The following DSCAM variants were observed in gnomAD, a reference collection of about 807,000 sequenced individuals.
The protein encoded by DSCAM is DS cell adhesion molecule.
A neutral mutation model predicts 217.7 loss-of-function variants in DSCAM; 47 were observed. That is an observed-to-expected ratio of 0.22 (90% CI 0.17 to 0.28). The LOEUF (loss-of-function observed/expected upper bound fraction) is 0.28, where lower values mean the gene tolerates loss of function less well. Among genes scored for constraint, DSCAM ranks in the 10% least tolerant of loss-of-function variants. DSCAM has a pLI of 1.00. For synonymous variants in DSCAM, 1,056 were observed against 1,015.3 expected (o/e 1.04, Z -0.76); for missense variants, 2,080 against 2,618.3 (o/e 0.79, Z 4.49).
intron 6 of DSCAM, 68 bp from the exon 7 acceptor site, chr21:40,339,483 C>G: frequency 1.4e-6 from 2 of 1,416,816 alleles, no homozygotes; most frequent in Non-Finnish European, 1.9e-6. Context: ...AAGTATATGT[C>G]TTTCATGTCT....
intron 3 of DSCAM, among the ~76,000 whole-genome samples, chr21:40,496,861 A>T (rs1055717976): frequency 6.6e-6 from 1 of 152,206 alleles, no homozygotes; most frequent in African/African-American, 2.4e-5. Context: ...AAAATAGGAC[A>T]TTCAAAAGGC....
chr21:40,015,559 A>G (rs919621665), intron 32 of DSCAM, among the ~76,000 whole-genome samples: 2 of 152,102 alleles, frequency 1.3e-5, no homozygotes, highest in Non-Finnish European at 2.9e-5. Flanking sequence ...CCTCCAGAGT[A>G]GCTAGGGCTA....
intron 3 of DSCAM, among the ~76,000 whole-genome samples, chr21:40,599,485 T>TA (rs1351439190): frequency 2.0e-5 from 3 of 152,118 alleles, no homozygotes; most frequent in African/African-American, 7.2e-5. Context: ...TTTATAGCAC[T>TA]AAATGCCCAC....
At chr21:40,459,717 C>A (rs951151966) in intron 3 of DSCAM, among the ~76,000 whole-genome samples, 1 of 152,072 alleles carries the variant, frequency 6.6e-6, no homozygotes, top group Non-Finnish European at 1.5e-5. Context: ...TCAAACAACT[C>A]TAGCAAAATA....
chr21:40,599,421 G>A (rs1380388514), intron 3 of DSCAM, among the ~76,000 whole-genome samples: 1 of 152,094 alleles, frequency 6.6e-6, no homozygotes, highest in Non-Finnish European at 1.5e-5. Context: ...TCCTCCCTGT[G>A]TCCATGTGTT....
rs575016518 is a variant in DSCAM at position 40,183,175 on chromosome 21, G to C, written c.2779+3956C>G. 2.6e-5 allele frequency among the ~76,000 whole-genome samples: 4 copies of C among 152,098 alleles called. No individual in the cohort carries two copies. In the South Asian group the frequency reaches 8.3e-4, roughly 32 times the overall value. On this transcript the variant is annotated intron_variant, in intron 14 of 32. Transcript: ENST00000400454. ...ACAGGAGATGGCCCCCACAGGAACA[G>C]ACTCTGAAGGGCAGGCTGCCTTCCA...
chr21:40,832,823 A>C (rs2092022358), intron 1 of DSCAM, among the ~76,000 whole-genome samples: 1 of 152,180 alleles, frequency 6.6e-6, no homozygotes, highest in African/African-American at 2.4e-5. Flanking sequence ...GAAGCCCATC[A>C]ATGACAACAC....
intron 3 of DSCAM, among the ~76,000 whole-genome samples, chr21:40,521,515 G>T (rs2146088970): frequency 6.6e-6 from 1 of 152,266 alleles, no homozygotes; most frequent in Admixed American, 6.5e-5. Context: ...GATTAGTGAT[G>T]CTGAGAATGT....
At chr21:40,738,227 C>G (rs965753487) in intron 1 of DSCAM, among the ~76,000 whole-genome samples, 6 of 152,086 alleles carry the variant, frequency 3.9e-5, no homozygotes, top group Non-Finnish European at 4.4e-5. Context: ...AAAATTTTAC[C>G]AAGAAACTAA....
At chr21:40,028,987 A>G (rs2088461334) in intron 32 of DSCAM, among the ~76,000 whole-genome samples, 1 of 151,744 alleles carries the variant, frequency 6.6e-6, no homozygotes. Flanking sequence ...TGAATTTTGA[A>G]TTTGCCTGTA....
chr21:40,415,288 T>C (rs1004662034), intron 3 of DSCAM, among the ~76,000 whole-genome samples: 1 of 152,170 alleles, frequency 6.6e-6, no homozygotes, highest in Admixed American at 6.5e-5. Context: ...TAGGACAAAA[T>C]AGCAGTGCAA....
intron 6 of DSCAM, among the ~76,000 whole-genome samples, chr21:40,344,644 T>A (rs930813530): frequency 2.0e-5 from 3 of 152,232 alleles, no homozygotes; most frequent in African/African-American, 2.4e-5. Flanking sequence ...CTACCATTTG[T>A]TATTGATGTC....
In DSCAM at chr21:40,246,713, G is replaced by A. The variant is rs575992835; in HGVS notation, c.2356+29384C>T. 7.4e-4 allele frequency among the ~76,000 whole-genome samples: 112 copies of A among 152,262 alleles called. 1 individual carries two copies. Among genetic ancestry groups the A allele is most frequent in the Non-Finnish European group, 1.3e-3 (88 of 68,026 alleles). The stretch of plus-strand genomic sequence containing the variant: ...AAGCCCACAGTGGATAGCCTGGAGA[G>A]GGCCCAAGTTTAAATCTCAGCTTTT... On this transcript the variant is annotated intron_variant, in intron 11 of 32. Transcript: ENST00000400454.
chr21:40,352,362 T>C (rs1002289794), intron 5 of DSCAM, among the ~76,000 whole-genome samples: 2 of 152,254 alleles, frequency 1.3e-5, no homozygotes, highest in Admixed American at 1.3e-4. Context: ...TCTTCAGCTA[T>C]AGAAGTGTGA....
intron 21 of DSCAM, among the ~76,000 whole-genome samples, chr21:40,088,409 T>C (rs114059714): frequency 0.017 from 2,642 of 152,248 alleles, 77 homozygotes; most frequent in African/African-American, 0.06. Flanking sequence ...CAGAGCCAAG[T>C]CATTATGCAG....
chr21:40,183,788 T>C (rs1014404332), intron 14 of DSCAM, among the ~76,000 whole-genome samples: 6 of 152,340 alleles, frequency 3.9e-5, no homozygotes, highest in African/African-American at 1.4e-4. Flanking sequence ...CTGTTACGAA[T>C]GTGAAGTACT....
intron 3 of DSCAM, among the ~76,000 whole-genome samples, chr21:40,651,929 G>C (rs2146361397): frequency 6.6e-6 from 1 of 152,272 alleles, no homozygotes; most frequent in African/African-American, 2.4e-5. Context: ...TCCTTAATAA[G>C]GGACAGGCAC....
chr21:40,474,877 C>T (rs1478970033), intron 3 of DSCAM, among the ~76,000 whole-genome samples: 1 of 152,070 alleles, frequency 6.6e-6, no homozygotes, highest in Non-Finnish European at 1.5e-5. Context: ...GCGAGGGAGC[C>T]CTGCTCATTC....
chr21:40,188,063 A>T, intron 12 of DSCAM, 76 bp from the exon 13 acceptor site: 2 of 1,068,998 alleles, frequency 1.9e-6, no homozygotes, highest in African/African-American at 1.6e-5. Flanking sequence ...CTCTCTCTCC[A>T]CTCTTTCAGT....
Sources: gnomAD v4.1 joint callset for allele counts (sites outside exome capture counted in the v4.1 genomes callset) on GRCh38, gnomAD v4.1.1 for gene constraint, MANE v1.5 for transcripts, NCBI Gene and HGNC (gene_info 2026-07-23, HGNC 2026-07-21) for gene names.